Variants in ERC1 observed in about 807,000 individuals in gnomAD.
The protein encoded by ERC1 is RAB6 interacting protein 2.
Under a neutral mutation model 132.0 loss-of-function variants are expected in ERC1, and 56 were observed. The ratio of observed to expected loss-of-function variants is 0.42; its 90% CI spans 0.34 to 0.53. The LOEUF (loss-of-function observed/expected upper bound fraction) is 0.53, where lower values mean the gene tolerates loss of function less well. ERC1 is among the 20% of genes least tolerant of loss of function. ERC1 has a pLI of 0.03. For missense variants in ERC1, 1,202 were observed against 1,349.9 expected, an observed-to-expected ratio of 0.89 and a Z score of 1.72; for synonymous variants, 478 against 476.1, an observed-to-expected ratio of 1.00 and a Z score of -0.05.
At chr12:1,243,792 C>T (rs2075987009) in intron 13 of ERC1, among the ~76,000 whole-genome samples, 2 of 152,114 alleles carry the variant, frequency 1.3e-5, no homozygotes, top group African/African-American at 4.8e-5. Context: ...ATTTCTCGGC[C>T]CACACTGCAA....
intron 2 of ERC1, among the ~76,000 whole-genome samples, chr12:1,069,846 G>A (rs1940001551): frequency 6.6e-6 from 1 of 152,100 alleles, no homozygotes; most frequent in Non-Finnish European, 1.5e-5. Context: ...ATTAGGTTAT[G>A]GGAAAACTTA....
chr12:1,429,861 A>C (rs1438317906), intron 17 of ERC1, among the ~76,000 whole-genome samples: 1 of 152,204 alleles, frequency 6.6e-6, no homozygotes, highest in Non-Finnish European at 1.5e-5. Context: ...CTCATTATAC[A>C]TAGTAGTTCG....
chr12:1,307,752 A>G (rs1482420935), intron 15 of ERC1, among the ~76,000 whole-genome samples: 1 of 152,160 alleles, frequency 6.6e-6, no homozygotes, highest in Non-Finnish European at 1.5e-5. Context: ...CAGAGGATCA[A>G]TGTCCTCTGT....
At chr12:1,440,355 C>A (rs1301826962) in intron 17 of ERC1, among the ~76,000 whole-genome samples, 1 of 150,002 alleles carries the variant, frequency 6.7e-6, no homozygotes, top group Non-Finnish European at 1.5e-5. Flanking sequence ...CAGACGCCCG[C>A]CACCACGCCC....
chr12:1,253,729 G>A (rs2076610146), intron 13 of ERC1, among the ~76,000 whole-genome samples: 1 of 152,094 alleles, frequency 6.6e-6, no homozygotes, highest in African/African-American at 2.4e-5. Flanking sequence ...GTGATGTGTA[G>A]CTTGGTGTTG....
At chr12:1,486,680 C>A (rs904210915) in intron 18 of ERC1, among the ~76,000 whole-genome samples, 3 of 152,278 alleles carry the variant, frequency 2.0e-5, no homozygotes, top group African/African-American at 7.2e-5. Context: ...CCACCTCGGC[C>A]TCCCAAAGTG....
intron 15 of ERC1, among the ~76,000 whole-genome samples, chr12:1,329,021 C>T (rs367614669): frequency 1.4e-5 from 2 of 143,608 alleles, no homozygotes; most frequent in African/African-American, 5.2e-5. Flanking sequence ...CGACCAGGCA[C>T]GGTGGCTCAC....
At chr12:1,442,759 T>G (rs976563247) in intron 17 of ERC1, among the ~76,000 whole-genome samples, 1 of 152,174 alleles carries the variant, frequency 6.6e-6, no homozygotes, top group Non-Finnish European at 1.5e-5. Flanking sequence ...TCATATATAA[T>G]GTAGTGAACA....
chr12:1,004,287 G>A (rs1048659555), intron 1 of ERC1, among the ~76,000 whole-genome samples: 3 of 151,136 alleles, frequency 2.0e-5, no homozygotes, highest in African/African-American at 7.3e-5. Context: ...TGTGTCCAGT[G>A]TGTTTCGTAT....
chr12:1,293,313 C>T (rs1184499971), intron 15 of ERC1, among the ~76,000 whole-genome samples: 39 of 149,700 alleles, frequency 2.6e-4, no homozygotes, highest in African/African-American at 8.8e-4. Flanking sequence ...ATTAGCCAGG[C>T]GTGGTGGCGG....
rs568328521 is a variant in ERC1, at chr12:1,179,787, G to A, written c.1738-753G>A. Among the ~76,000 whole-genome samples the A allele has an allele frequency of 2.6e-5, 4 of 151,956 alleles. No homozygotes were observed. In the South Asian group the frequency reaches 6.2e-4, roughly 24 times the overall value. On this transcript the variant is annotated intron_variant, in intron 8 of 18. Transcript: ENST00000360905. Reference sequence around the variant, plus strand: ...CTCCCAAAGTGCTGGGATTACAGGCGTGAGCCACCGCGCCCGGCCTCATTT... The same window carrying A: ...CTCCCAAAGTGCTGGGATTACAGGCATGAGCCACCGCGCCCGGCCTCATTT...
At chr12:1,420,453 ATTTATTTG>A (rs150455155) in intron 17 of ERC1, among the ~76,000 whole-genome samples, 7,511 of 151,494 alleles carry the variant, frequency 0.05, 248 homozygotes, top group East Asian at 0.092. Context: ...TATTTTATTT[ATTTATTTG>A]TTTATTTATT....
chr12:1,163,282 G>A (rs1952048564), intron 8 of ERC1, among the ~76,000 whole-genome samples: 1 of 152,092 alleles, frequency 6.6e-6, no homozygotes, highest in Non-Finnish European at 1.5e-5. Context: ...CCTTGTTATA[G>A]TGTAAATCTT....
intron 15 of ERC1, among the ~76,000 whole-genome samples, chr12:1,363,496 T>C (rs1254071710): frequency 1.3e-5 from 2 of 151,926 alleles, no homozygotes; most frequent in East Asian, 1.9e-4. Context: ...AGTCAGTCCA[T>C]ATTGGGATAA....
intron 3 of ERC1, among the ~76,000 whole-genome samples, chr12:1,084,753 A>G (rs536280493): frequency 6.6e-6 from 1 of 151,772 alleles, no homozygotes; most frequent in East Asian, 1.9e-4. Context: ...GTGCAGTGGC[A>G]TGATCATGGC....
At chr12:1,077,861 G>A (rs554815575) in intron 2 of ERC1, among the ~76,000 whole-genome samples, 63 of 152,272 alleles carry the variant, frequency 4.1e-4, no homozygotes, top group Non-Finnish European at 6.8e-4. Context: ...AAAGGAGTTG[G>A]CAGGAATTTT....
intron 2 of ERC1, among the ~76,000 whole-genome samples, chr12:1,073,893 A>C (rs1940880886): frequency 1.0e-5 from 1 of 100,020 alleles, no homozygotes. Flanking sequence ...CCCGAGACGG[A>C]GTCTTGCTGT....
chr12:1,170,127 TATA>T (rs1336848185), intron 8 of ERC1, among the ~76,000 whole-genome samples: 2 of 152,188 alleles, frequency 1.3e-5, no homozygotes, highest in Non-Finnish European at 2.9e-5. Context: ...TTGAAATTGG[TATA>T]ATATTACACT....
At chr12:1,296,030 C>CAAA (rs2079904680) in intron 15 of ERC1, among the ~76,000 whole-genome samples, 4 of 132,910 alleles carry the variant, frequency 3.0e-5, no homozygotes, top group Non-Finnish European at 4.8e-5. Flanking sequence ...AAAAAAACAA[C>CAAA]TAAATTCACC....
Sources: allele counts gnomAD v4.1 joint callset (sites outside exome capture counted in the v4.1 genomes callset), GRCh38; gene constraint gnomAD v4.1.1; transcripts MANE v1.5; gene names NCBI Gene and HGNC (gene_info 2026-07-23, HGNC 2026-07-21).